NFILZ: variants seen among roughly 807,000 people sequenced by gnomAD.
NFILZ encodes the protein NFIL3 like protein.
At chr19:8,656,514 T>C (rs73006444) in intron 3 of NFILZ, among the ~76,000 whole-genome samples, 1,620 of 50,084 alleles carry the variant, frequency 0.032, 130 homozygotes, top group African/African-American at 0.083. Context: ...CACCTTCTCC[T>C]GCAGCCCACC....
intron 2 of NFILZ, among the ~76,000 whole-genome samples, chr19:8,633,042 A>ATTTT (rs2042877606): frequency 9.7e-6 from 1 of 102,978 alleles, no homozygotes. Context: ...TTTTTTTGAG[A>ATTTT]CAGAGCCTTG....
chr19:8,677,523 G>A lies in NFILZ; in HGVS notation c.758G>A (p.Gly253Glu), dbSNP rs1440034707. Residue 253 changes from glycine (G) to glutamate (E), a missense_variant, in exon 6 of 6, where the codon GGG becomes GAG. Coordinates refer to ENST00000691075, the MANE Select transcript of NFILZ (RefSeq NM_001378600.1). ...LSPGVTCPAP[G>E]NSPEGLGQPS... ...CCTGGGGTGACCTGCCCTGCCCCAG[G>A]GAACAGTCCTGAGGGTCTGGGTCAG... The A allele has an allele frequency of 6.6e-6, 1 of 152,244 alleles. No individual in the cohort carries two copies. The highest frequency in any genetic ancestry group is 1.5e-5 in the Non-Finnish European group (1 of 68,080). 9.4% of individuals were successfully genotyped at this position (152,244 alleles called of 1,614,324 possible).
intron 2 of NFILZ, among the ~76,000 whole-genome samples, chr19:8,634,864 CACAAACAAACAAACAA>C (rs150599717): frequency 5.9e-4 from 89 of 150,578 alleles, no homozygotes; most frequent in African/African-American, 1.0e-3. Flanking sequence ...AAGACCCTAT[CACAAACAAACAAACAA>C]ACAAACAAAC....
intron 3 of NFILZ, among the ~76,000 whole-genome samples, chr19:8,674,214 G>A (rs1193757909): frequency 2.0e-5 from 3 of 152,160 alleles, no homozygotes; most frequent in Non-Finnish European, 2.9e-5. Flanking sequence ...AGATCACATG[G>A]TGTGGCGGAG....
Position 8,678,391 on chromosome 19 carries a change from T to C in NFILZ, c.*756T>C, listed in dbSNP as rs1293190075. ...ATCTATCCATCCATCCATTCATTCA[T>C]CCACCCATCCACCTATCTATGCATG... On this transcript the variant is annotated 3_prime_UTR_variant, in exon 6 of 6. Transcript: ENST00000691075. Among the ~76,000 whole-genome samples the C allele has an allele frequency of 6.6e-6, 1 of 151,624 alleles. No individual in the cohort carries two copies. Among genetic ancestry groups the C allele is most frequent in the Non-Finnish European group, 1.5e-5 (1 of 67,906 alleles).
intron 3 of NFILZ, among the ~76,000 whole-genome samples, chr19:8,666,178 C>A (rs566774340): frequency 1.3e-5 from 2 of 152,146 alleles, no homozygotes; most frequent in East Asian, 3.9e-4. Context: ...GAAGACTCCC[C>A]AAGTCTTCAT....
intron 3 of NFILZ, among the ~76,000 whole-genome samples, chr19:8,636,935 G>T (rs550028856): frequency 6.6e-6 from 1 of 152,258 alleles, no homozygotes; most frequent in Admixed American, 6.5e-5. Context: ...CTGGTCCCCT[G>T]GATACTGGAG....
intron 3 of NFILZ, among the ~76,000 whole-genome samples, chr19:8,657,353 C>T (rs1007719746): frequency 2.0e-5 from 3 of 151,928 alleles, no homozygotes; most frequent in Non-Finnish European, 4.4e-5. Flanking sequence ...CCACCCGTCT[C>T]GGCCTCCCAA....
chr19:8,630,982 T>C (rs1269168276), intron 1 of NFILZ, among the ~76,000 whole-genome samples: 8 of 152,236 alleles, frequency 5.3e-5, no homozygotes, highest in African/African-American at 1.9e-4. Context: ...TGCGGCCAAG[T>C]GAGGGGATTA....
chr19:8,669,739 G>C (rs1343429273), intron 3 of NFILZ, among the ~76,000 whole-genome samples: 1 of 152,184 alleles, frequency 6.6e-6, no homozygotes, highest in Non-Finnish European at 1.5e-5. Context: ...CCTCAGGCAG[G>C]TCACTTGACC....
At position 8,679,175 on chromosome 19, in the gene NFILZ, A is replaced by C. The variant is rs1317975449; in HGVS notation, c.*1540A>C. Among the ~76,000 whole-genome samples, 3 of 152,018 alleles carry C rather than the reference A, an allele frequency of 2.0e-5. No homozygotes were observed. In the East Asian group the frequency reaches 5.8e-4, roughly 29 times the overall value. ...CCAGGTATACACCCACCCAGGTGGA[A>C]GGGTCCATTCTGCAGGGAAGGTCTT... On this transcript the variant is annotated 3_prime_UTR_variant, in exon 6 of 6. Transcript: ENST00000691075.
chr19:8,651,831 C>T (rs571543530), intron 3 of NFILZ, among the ~76,000 whole-genome samples: 1 of 152,112 alleles, frequency 6.6e-6, no homozygotes, highest in African/African-American at 2.4e-5. Flanking sequence ...CTGTGCCCGG[C>T]CTCTAACTAT....
rs2042972495 is a variant in NFILZ at position 8,652,981 on chromosome 19, TTCCTTCCTTCCTTCCTTCCTTC to T, written c.-164+17236_-164+17257del. On this transcript the variant is annotated intron_variant, in intron 3 of 5. Transcript: ENST00000691075. ...TTCCCTTCCTTCCCTCCTTCCTTCCTTCCTTCCTTCCTTCCTTCCTTCCTTCCTTCCTTTCTTTCTTTCTTTC... is the reference window on the plus strand; with the variant it reads ...TTCCCTTCCTTCCCTCCTTCCTTCCTCTTCCTTCCTTTCTTTCTTTCTTTC... Among the ~76,000 whole-genome samples, 115 of 88,058 alleles carry T rather than the reference TTCCTTCCTTCCTTCCTTCCTTC, an allele frequency of 1.3e-3. 10 individuals carry two copies. The East Asian group carries it at 0.02, about 15-fold the overall frequency. 57.8% of individuals were successfully genotyped at this position (88,058 alleles called of 152,430 possible).
At chr19:8,637,912 CAA>C (rs35778716) in intron 3 of NFILZ, among the ~76,000 whole-genome samples, 7 of 20,270 alleles carry the variant, frequency 3.5e-4, no homozygotes, top group African/African-American at 1.0e-3. Context: ...AAGATGGTCT[CAA>C]AAAAAAAAAA....
intron 3 of NFILZ, among the ~76,000 whole-genome samples, chr19:8,646,031 AT>A (rs201085211): frequency 2.0e-5 from 3 of 150,758 alleles, no homozygotes; most frequent in Non-Finnish European, 4.4e-5. Context: ...CCAGACCCTT[AT>A]TTTTTTTTCT....
At chr19:8,642,443 C>T (rs1403058486) in intron 3 of NFILZ, among the ~76,000 whole-genome samples, 2 of 152,160 alleles carry the variant, frequency 1.3e-5, no homozygotes, top group Non-Finnish European at 1.5e-5. Flanking sequence ...GCAACCATAG[C>T]CACTTATTAA....
In NFILZ at chr19:8,680,142, G is replaced by A. The variant is rs555543666; in HGVS notation, c.*2507G>A. 2.0e-5 allele frequency among the ~76,000 whole-genome samples: 3 copies of A among 147,820 alleles called. No individual in the cohort carries two copies. In the East Asian group the frequency reaches 6.0e-4, roughly 29 times the overall value. On this transcript the variant is annotated 3_prime_UTR_variant, in exon 6 of 6. Coordinates refer to ENST00000691075, the MANE Select transcript of NFILZ (RefSeq NM_001378600.1). ...ACCCAGGAGGTGGAGGCTGCAGCGA[G>A]CTGAGATTGCACCACTGCAGTCCAG...
At chr19:8,654,837 A>G (rs1341742803) in intron 3 of NFILZ, among the ~76,000 whole-genome samples, 4 of 151,902 alleles carry the variant, frequency 2.6e-5, no homozygotes, top group Non-Finnish European at 5.9e-5. Flanking sequence ...TCCTTTTCCA[A>G]TCTGCAGCGT....
chr19:8,634,839 C>A (rs2042887171), intron 2 of NFILZ, among the ~76,000 whole-genome samples: 3 of 152,040 alleles, frequency 2.0e-5, no homozygotes, highest in Admixed American at 2.0e-4. Context: ...AAGATGGCCC[C>A]ACTGCACTTT....
Sources: gnomAD v4.1 joint callset for allele counts (sites outside exome capture counted in the v4.1 genomes callset) on GRCh38, gnomAD v4.1.1 for gene constraint, MANE v1.5 for transcripts, NCBI Gene and HGNC (gene_info 2026-07-23, HGNC 2026-07-21) for gene names.